Variants in EVX1 observed in about 807,000 individuals in gnomAD.
EVX1 encodes the protein homeobox even-skipped homolog protein 1.
A neutral mutation model predicts 28.6 loss-of-function variants in EVX1; 19 were observed. The observed-to-expected ratio is 0.67, with a 90% confidence interval of 0.46 to 0.98. The LOEUF is 0.98. Ranked by LOEUF, EVX1 falls within the 50% of genes least tolerant of loss-of-function variation. The pLI is 0.00. For synonymous variants in EVX1, 324 were observed against 278.2 expected (o/e 1.16, Z -1.64); for missense variants, 660 against 583.0 (o/e 1.13, Z -1.36).
Position 27,242,907 on chromosome 7 carries a change from TC to T in EVX1, c.-121del, listed in dbSNP as rs1311918175. On this transcript the variant is annotated 5_prime_UTR_variant, in exon 1 of 3. Coordinates refer to ENST00000496902, the MANE Select transcript of EVX1 (RefSeq NM_001989.5). ...ACCGCGCTCCAGCAGCTCCGCGCCCTCCCAGGCACCCGGCCTTTCTTTCTCC... is the reference window on the plus strand; with the variant it reads ...ACCGCGCTCCAGCAGCTCCGCGCCCTCCAGGCACCCGGCCTTTCTTTCTCC... The T allele has an allele frequency of 5.2e-6, 6 of 1,146,666 alleles. No homozygotes were observed. The highest frequency in any genetic ancestry group is 7.1e-6 in the Non-Finnish European group (6 of 846,410). 71.0% of individuals were successfully genotyped at this position (1,146,666 alleles called of 1,614,324 possible).
rs181082282 is a variant in EVX1, at chr7:27,247,182, G to A, written c.*757G>A. The A allele has an allele frequency of 6.6e-6, 1 of 152,390 alleles. No homozygotes were observed. The highest frequency in any genetic ancestry group is 1.5e-5 in the Non-Finnish European group (1 of 68,086). 9.4% of individuals were successfully genotyped at this position (152,390 alleles called of 1,614,324 possible). On this transcript the variant is annotated 3_prime_UTR_variant, in exon 3 of 3. Coordinates refer to ENST00000496902, the MANE Select transcript of EVX1 (RefSeq NM_001989.5). Reference sequence around the variant, plus strand: ...GGCCAGGGAGGCTGCAGATGCCCCAGGAGCCCTTTGCCGCTTCTATGAGGC... The same window carrying A: ...GGCCAGGGAGGCTGCAGATGCCCCAAGAGCCCTTTGCCGCTTCTATGAGGC...
chr7:27,242,894 C>A lies in EVX1; in HGVS notation c.-137C>A. The A allele has an allele frequency of 9.9e-7, 1 of 1,006,262 alleles. No homozygotes were observed. The highest frequency in any genetic ancestry group is 1.4e-6 in the Non-Finnish European group (1 of 718,966). The allele number at this position is 1,006,262 out of a possible 1,614,324, so 62.3% of individuals were successfully genotyped here. A position where few individuals can be genotyped will look rare whatever the true frequency, so the allele number is the denominator to read the frequency against. ...GGTCGCGGTCCAGACCGCGCTCCAG[C>A]AGCTCCGCGCCCTCCCAGGCACCCG... is the stretch of plus-strand genomic sequence containing the variant. On this transcript the variant is annotated 5_prime_UTR_variant, in exon 1 of 3. Transcript: ENST00000496902.
intron 1 of EVX1, among the ~76,000 whole-genome samples, 197 bp from the exon 2 acceptor site, chr7:27,244,851 A>C (rs1247216187): frequency 6.6e-6 from 1 of 152,138 alleles, no homozygotes; most frequent in Non-Finnish European, 1.5e-5. Flanking sequence ...ACCTCTACCT[A>C]CCCAATCAAG....
intron 1 of EVX1, chr7:27,244,470 C>G (rs534370276): frequency 1.0e-6 from 1 of 987,782 alleles, no homozygotes; most frequent in East Asian, 1.1e-4. Context: ...CACCCAGCCT[C>G]CTTCCCATAA....
Position 27,242,895 on chromosome 7 carries a change from A to G in EVX1, c.-136A>G. 9.9e-7 allele frequency: 1 copy of G among 1,007,870 alleles called. No homozygotes were observed. The highest frequency in any genetic ancestry group is 1.4e-6 in the Non-Finnish European group (1 of 721,260). 62.4% of individuals were successfully genotyped at this position (1,007,870 alleles called of 1,614,324 possible). A position where few individuals can be genotyped will look rare whatever the true frequency, so the allele number is the denominator to read the frequency against. ...GTCGCGGTCCAGACCGCGCTCCAGC[A>G]GCTCCGCGCCCTCCCAGGCACCCGG... On this transcript the variant is annotated 5_prime_UTR_variant, in exon 1 of 3. Coordinates refer to ENST00000496902, the MANE Select transcript of EVX1 (RefSeq NM_001989.5).
In EVX1 at chr7:27,247,451, A is replaced by G. The variant is rs1358436419; in HGVS notation, c.*1026A>G. ...TTTGCTTGTTCACCTTCACTTCACC[A>G]GGAACTTTCTGGCCCTACCCTTTGC... On this transcript the variant is annotated 3_prime_UTR_variant, in exon 3 of 3. Transcript: ENST00000496902. 1 of 152,168 alleles carries G rather than the reference A, an allele frequency of 6.6e-6. No homozygotes were observed. The highest frequency in any genetic ancestry group is 1.5e-5 in the Non-Finnish European group (1 of 68,042). The allele number at this position is 152,168 out of a possible 1,614,324, so 9.4% of individuals were successfully genotyped here.
In EVX1 at chr7:27,243,321, G is replaced by A; in HGVS notation, c.291G>A (p.Pro97=). 1 of 1,584,960 alleles carries A rather than the reference G, an allele frequency of 6.3e-7. No individual in the cohort carries two copies. Residue 97 remains proline, a synonymous_variant, in exon 1 of 3, where the codon CCG becomes CCA. Transcript: ENST00000496902. ...AGAAMLGPGP[P]APSVDSLSGQ... The stretch of plus-strand genomic sequence containing the variant: ...CGGCCATGCTCGGCCCAGGACCCCC[G>A]GCCCCCTCAGTCGACAGCCTCTCCG...
rs201423153 is a variant in EVX1, at chr7:27,246,110, G to A, written c.909G>A (p.Ser303=). Reference sequence around the variant, plus strand: ...CCGCCGCCTCGCCCTTCAGCGGCTCGCTGCGCCCGCTCGACACGTTCCGCG... The same window carrying A: ...CCGCCGCCTCGCCCTTCAGCGGCTCACTGCGCCCGCTCGACACGTTCCGCG... ...ASAAASPFSG[S]LRPLDTFRVL... is the part of the protein sequence containing the mutation. Residue 303 remains serine, a synonymous_variant, in exon 3 of 3, where the codon TCG becomes TCA. Coordinates refer to ENST00000496902, the MANE Select transcript of EVX1 (RefSeq NM_001989.5). 1.3e-6 allele frequency: 2 copies of A among 1,543,950 alleles called. No individual in the cohort carries two copies. The highest frequency in any genetic ancestry group is 2.4e-5 in the East Asian group (1 of 40,950).
rs934610330 is a variant in EVX1 at position 27,242,918 on chromosome 7, C to A, written c.-113C>A. 4.1e-6 allele frequency: 5 copies of A among 1,221,634 alleles called. No homozygotes were observed. Among genetic ancestry groups the A allele is most frequent in the Non-Finnish European group, 5.5e-6 (5 of 912,440 alleles). The allele number at this position is 1,221,634 out of a possible 1,614,324, so 75.7% of individuals were successfully genotyped here. A position where few individuals can be genotyped will look rare whatever the true frequency, so the allele number is the denominator to read the frequency against. ...GCAGCTCCGCGCCCTCCCAGGCACCCGGCCTTTCTTTCTCCCTCTTGCAAC... is the reference window on the plus strand; with the variant it reads ...GCAGCTCCGCGCCCTCCCAGGCACCAGGCCTTTCTTTCTCCCTCTTGCAAC... On this transcript the variant is annotated 5_prime_UTR_variant, in exon 1 of 3. Transcript: ENST00000496902.
chr7:27,245,381 A>T (rs1783142967), intron 2 of EVX1, 77 bp downstream of exon 2: 4 of 1,573,300 alleles, frequency 2.5e-6, no homozygotes, highest in Non-Finnish European at 3.5e-6. Context: ...AACTCCCTGA[A>T]ACGCAGGCCA....
rs776425000 is a variant in EVX1, at chr7:27,243,064, G to T, written c.34G>T (p.Asp12Tyr). 4 of 1,609,838 alleles carry T rather than the reference G, an allele frequency of 2.5e-6. No individual in the cohort carries two copies. The highest frequency in any genetic ancestry group is 3.4e-6 in the Non-Finnish European group (4 of 1,178,120). ...CCGAAAGGACATGGTTGTGTTTCTG[G>T]ATGGGGGTCAGCTTGGCACTCTGGT... ...ESRKDMVVFL[D>Y]GGQLGTLVGK... Residue 12 changes from aspartate to tyrosine, a missense_variant, in exon 1 of 3, where the codon GAT (aspartate) becomes TAT (tyrosine). Asp to Tyr is a radical substitution (Grantham distance 160). Transcript: ENST00000496902.
In EVX1 at chr7:27,246,698, C is replaced by G; in HGVS notation, c.*273C>G. 2.0e-6 allele frequency: 1 copy of G among 495,174 alleles called. No individual in the cohort carries two copies. The allele number at this position is 495,174 out of a possible 1,614,324, so 30.7% of individuals were successfully genotyped here. A position where few individuals can be genotyped will look rare whatever the true frequency, so the allele number is the denominator to read the frequency against. On this transcript the variant is annotated 3_prime_UTR_variant, in exon 3 of 3. Transcript: ENST00000496902. ...GGCAGCCTCCGGACCCACCGCCCCC[C>G]ACCAGGGTCGAGGCTGTAGCTCCAA...
rs899456755 is a variant in EVX1 at position 27,243,325 on chromosome 7, C to A, written c.295C>A (p.Pro99Thr). ...CATGCTCGGCCCAGGACCCCCGGCC[C>A]CCTCAGTCGACAGCCTCTCCGGACA... ...AAMLGPGPPA[P>T]SVDSLSGQGQ... Residue 99 changes from proline to threonine, a missense_variant, in exon 1 of 3, where the codon CCC (proline) becomes ACC (threonine). Pro to Thr is a conservative substitution (Grantham distance 38). Around this residue, in one of 3 missense-constraint regions of EVX1, gnomAD observed 308 missense variants for 256.6 expected, o/e 1.20. Transcript: ENST00000496902. 1 of 1,591,412 alleles carries A rather than the reference C, an allele frequency of 6.3e-7. No individual in the cohort carries two copies. The highest frequency in any genetic ancestry group is 8.5e-7 in the Non-Finnish European group (1 of 1,170,412).
chr7:27,246,173 C>A lies in EVX1; in HGVS notation c.972C>A (p.Cys324Ter), dbSNP rs751565258. Residue 324 changes from cysteine to a stop codon, truncating the protein, a stop_gained, in exon 3 of 3, where the codon TGC becomes TGA. Transcript: ENST00000496902. LOFTEE classifies it high-confidence loss of function. ...CCTACCCGCGGCCCGAACTGCTGTGCGCCTTCCGCCACCCGCCGCTCTACC... is the reference window on the plus strand; with the variant it reads ...CCTACCCGCGGCCCGAACTGCTGTGAGCCTTCCGCCACCCGCCGCTCTACC... ...SQPYPRPELLCAFRHPPLYPG... is the reference protein window; with the variant it reads ...SQPYPRPELL 2 of 1,490,628 alleles carry A rather than the reference C, an allele frequency of 1.3e-6. No individual in the cohort carries two copies. Among genetic ancestry groups the A allele is most frequent in the Non-Finnish European group, 1.8e-6 (2 of 1,130,118 alleles). The allele number at this position is 1,490,628 out of a possible 1,614,324, so 92.3% of individuals were successfully genotyped here.
At chr7:27,245,809 C>A in intron 2 of EVX1, 77 bp from the exon 3 acceptor site, 1 of 1,528,100 alleles carries the variant, frequency 6.5e-7, no homozygotes, top group Non-Finnish European at 8.8e-7. Context: ...ACACTGTCCC[C>A]GGAGCGGGAC....
Position 27,243,256 on chromosome 7 carries a change from A to G in EVX1, c.226A>G (p.Ser76Gly). ...GGAGCCGGTAGATGGACTCGCAGGC[A>G]GCGCGGCGGGGCCGGGCGCCGAGCC... ...EEEPVDGLAG[S>G]AAGPGAEPQV... The change falls in exon 1 of 3, where the codon AGC becomes GGC. Residue 76 changes from serine to glycine, a missense_variant. Physicochemically the swap from Ser to Gly is moderately conservative, Grantham distance 56. Coordinates refer to ENST00000496902, the MANE Select transcript of EVX1 (RefSeq NM_001989.5). 1.9e-6 allele frequency: 3 copies of G among 1,545,834 alleles called. No individual in the cohort carries two copies. The highest frequency in any genetic ancestry group is 1.7e-6 in the Non-Finnish European group (2 of 1,145,748).
Position 27,246,468 on chromosome 7 carries a change from C to G in EVX1, c.*43C>G, listed in dbSNP as rs1398656175. 4.5e-6 allele frequency: 7 copies of G among 1,548,626 alleles called. No individual in the cohort carries two copies. Among genetic ancestry groups the G allele is most frequent in the African/African-American group, 2.8e-5 (2 of 72,034 alleles). ...GCCGGCTCCATGACGCCCGTGGGGTCACCCCCCGGCCCCGGGACTCAGCCA... is the reference window on the plus strand; with the variant it reads ...GCCGGCTCCATGACGCCCGTGGGGTGACCCCCCGGCCCCGGGACTCAGCCA... On this transcript the variant is annotated 3_prime_UTR_variant, in exon 3 of 3. Transcript: ENST00000496902.
intron 1 of EVX1, 57 bp from the exon 2 acceptor site, chr7:27,244,991 C>A (rs1583465259): frequency 6.4e-7 from 1 of 1,570,120 alleles, no homozygotes; most frequent in East Asian, 2.3e-5. Context: ...AGCCCCACTT[C>A]AATGGCGTTT....
chr7:27,245,130 C>T lies in EVX1; in HGVS notation c.510C>T (p.Gly170=), dbSNP rs748365917. The T allele has an allele frequency of 1.5e-5, 25 of 1,612,928 alleles. No individual in the cohort carries two copies. Among genetic ancestry groups the T allele is most frequent in the Non-Finnish European group, 6.8e-6 (8 of 1,179,962 alleles). Residue 170 remains glycine (G), a synonymous_variant, in exon 2 of 3, where the codon GGC becomes GGT. Transcript: ENST00000496902. The part of the protein sequence containing the change: ...PKSNGGSGGG[G]SQGTLACSAS... ...GCAACGGCGGCAGTGGTGGGGGCGG[C>T]TCGCAAGGCACCCTGGCGTGCAGCG...
Sources: allele counts gnomAD v4.1 joint callset (sites outside exome capture counted in the v4.1 genomes callset), GRCh38; gene constraint gnomAD v4.1.1; regional missense constraint gnomAD v4.1.1; transcripts MANE v1.5; gene names NCBI Gene and HGNC (gene_info 2026-07-23, HGNC 2026-07-21).